Variants in PAM observed in about 807,000 individuals in gnomAD.
PAM encodes the protein peptidyl-glycine alpha-amidating monooxygenase.
A neutral mutation model predicts 122.1 loss-of-function variants in PAM; 72 were observed. The ratio of observed to expected loss-of-function variants is 0.59; its 90% CI spans 0.49 to 0.72. The LOEUF is 0.72. PAM is among the 30% of genes least tolerant of loss of function. The pLI, the probability that PAM is intolerant of heterozygous loss-of-function variation, is 0.00. For missense variants in PAM, 1,106 were observed against 1,183.7 expected, an observed-to-expected ratio of 0.93 and a Z score of 0.96; for synonymous variants, 389 against 404.4, an observed-to-expected ratio of 0.96 and a Z score of 0.46.
Position 103,028,241 on chromosome 5 carries a change from A to T in PAM, c.2743+3A>T, listed in dbSNP as rs368974389. 416 of 1,601,238 alleles carry T rather than the reference A, an allele frequency of 2.6e-4. No homozygotes were observed. The highest frequency in any genetic ancestry group is 3.4e-4 in the Non-Finnish European group (398 of 1,168,496). On this transcript the variant is annotated splice_donor_region_variant and intron_variant, in intron 25 of 25. Coordinates refer to ENST00000438793, the MANE Select transcript of PAM (RefSeq NM_001177306.2). ...AAGAGTACTGGGAAGATTTAGAGGT[A>T]TGCCTATGACCTTTTAGAACCCTTC...
chr5:102,966,525 T>C (rs1394390476), intron 14 of PAM, among the ~76,000 whole-genome samples: 1 of 152,170 alleles, frequency 6.6e-6, no homozygotes, highest in Non-Finnish European at 1.5e-5. Context: ...CTGGTCACCA[T>C]GGTCATGTGT....
At chr5:102,798,996 G>T (rs1295412061) in intron 1 of PAM, among the ~76,000 whole-genome samples, 3 of 152,130 alleles carry the variant, frequency 2.0e-5, no homozygotes, top group African/African-American at 7.2e-5. Flanking sequence ...GCTGTTGTGT[G>T]GATGAAGTAG....
rs57728525 is a variant in PAM, at chr5:102,859,335, A to AGTGTGT, written c.-373-6457_-373-6452dup. ...TGCTGATCTTGTATAGGCCCAGGCT[A>AGTGTGT]GTGTGTGTGTGTGTGTGTGTGTGTG... On this transcript the variant is annotated intron_variant, in intron 1 of 25. Transcript: ENST00000438793. 5.5e-3 allele frequency among the ~76,000 whole-genome samples: 789 copies of AGTGTGT among 142,402 alleles called. 11 individuals are homozygous for AGTGTGT. Among genetic ancestry groups the AGTGTGT allele is most frequent in the African/African-American group, 0.018 (692 of 39,154 alleles). 93.4% of individuals were successfully genotyped at this position (142,402 alleles called of 152,430 possible). A position where few individuals can be genotyped will look rare whatever the true frequency, so the allele number is the denominator to read the frequency against.
At chr5:102,762,640 G>C (rs796242966) in intron 1 of PAM, among the ~76,000 whole-genome samples, 1 of 151,994 alleles carries the variant, frequency 6.6e-6, no homozygotes, top group Non-Finnish European at 1.5e-5. Flanking sequence ...AATTATATTG[G>C]TTCTAGTGTT....
chr5:102,966,426 A>G (rs1212777738), intron 14 of PAM, among the ~76,000 whole-genome samples: 1 of 152,116 alleles, frequency 6.6e-6, no homozygotes, highest in Non-Finnish European at 1.5e-5. Flanking sequence ...CTTAAAAAGG[A>G]AGAAAAGTTG....
At chr5:102,876,626 C>T (rs10479245) in intron 3 of PAM, among the ~76,000 whole-genome samples, 11 of 152,226 alleles carry the variant, frequency 7.2e-5, no homozygotes, top group African/African-American at 2.4e-4. Flanking sequence ...ACAGAAGTAA[C>T]TGGGCATTTT....
intron 14 of PAM, among the ~76,000 whole-genome samples, chr5:102,965,234 A>G (rs1013061773): frequency 6.6e-6 from 1 of 151,382 alleles, no homozygotes. Flanking sequence ...TTAGAAAACT[A>G]ACACATTTTG....
At chr5:102,784,444 C>G (rs1440437464) in intron 1 of PAM, among the ~76,000 whole-genome samples, 1 of 152,140 alleles carries the variant, frequency 6.6e-6, no homozygotes, top group African/African-American at 2.4e-5. Flanking sequence ...CTGTTGTAAG[C>G]TCTCATATGA....
chr5:102,908,448 C>T (rs942888141), intron 4 of PAM, among the ~76,000 whole-genome samples: 3 of 151,530 alleles, frequency 2.0e-5, no homozygotes, highest in South Asian at 2.1e-4. Context: ...ATTGACTTGG[C>T]GATGCAGGCT....
chr5:102,976,060 A>C (rs986067082), intron 15 of PAM, among the ~76,000 whole-genome samples: 3 of 152,166 alleles, frequency 2.0e-5, no homozygotes, highest in Non-Finnish European at 4.4e-5. Context: ...TGCTCAAGAG[A>C]AAAATGCTTC....
At chr5:102,755,996 T>G (rs1200888026) in intron 1 of PAM, among the ~76,000 whole-genome samples, 1 of 152,134 alleles carries the variant, frequency 6.6e-6, no homozygotes, top group African/African-American at 2.4e-5. Context: ...ATCCACCACT[T>G]GGGATACTAG....
chr5:102,832,082 C>A (rs943659743), intron 1 of PAM, among the ~76,000 whole-genome samples: 7 of 152,142 alleles, frequency 4.6e-5, no homozygotes, highest in Admixed American at 4.6e-4. Context: ...TCTTCAGAAT[C>A]TGAAAATTCA....
intron 1 of PAM, among the ~76,000 whole-genome samples, chr5:102,841,937 G>A (rs1423136): frequency 0.15 from 22,613 of 151,976 alleles, 3,036 homozygotes; most frequent in African/African-American, 0.35. Flanking sequence ...TTATAGGTAA[G>A]TAGCATGTGG....
At chr5:102,950,258 A>G (rs1758350464) in intron 11 of PAM, among the ~76,000 whole-genome samples, 1 of 151,992 alleles carries the variant, frequency 6.6e-6, no homozygotes, top group Non-Finnish European at 1.5e-5. Flanking sequence ...ATTTATTCTG[A>G]TTTTTATGGG....
Position 102,865,934 on chromosome 5 carries a change from G to C in PAM, c.-262G>C, listed in dbSNP as rs909466396. 1.2e-5 allele frequency: 5 copies of C among 408,968 alleles called. No individual in the cohort carries two copies. Among genetic ancestry groups the C allele is most frequent in the African/African-American group, 1.1e-4 (5 of 47,124 alleles). 25.3% of individuals were successfully genotyped at this position (408,968 alleles called of 1,614,324 possible). A position where few individuals can be genotyped will look rare whatever the true frequency, so the allele number is the denominator to read the frequency against. ...CCCAGCGCCAGGGCACGCGAGCGGCGCTGGAGGGAGGAAAGCTTCCGCCTG... is the reference window on the plus strand; with the variant it reads ...CCCAGCGCCAGGGCACGCGAGCGGCCCTGGAGGGAGGAAAGCTTCCGCCTG... On this transcript the variant is annotated 5_prime_UTR_variant, in exon 2 of 26. Transcript: ENST00000438793.
chr5:102,999,776 G>GCCAAGTCCTAGGACACAAGGCA (rs1776823397), intron 16 of PAM, among the ~76,000 whole-genome samples: 1 of 152,126 alleles, frequency 6.6e-6, no homozygotes, highest in East Asian at 1.9e-4. Context: ...GCCTCTTTTA[G>GCCAAGTCCTAGGACACAAGGCA]CCAAGTCCTA....
chr5:103,027,527 C>G (rs559953273), intron 24 of PAM, among the ~76,000 whole-genome samples: 1 of 152,266 alleles, frequency 6.6e-6, no homozygotes, highest in Non-Finnish European at 1.5e-5. Flanking sequence ...TTCTGTCTCC[C>G]CATAAGGAAA....
intron 3 of PAM, among the ~76,000 whole-genome samples, chr5:102,900,116 C>G (rs1468067232): frequency 6.6e-6 from 1 of 151,256 alleles, no homozygotes; most frequent in Admixed American, 6.6e-5. Context: ...ATGCTTGTTA[C>G]CAGGTTTTGG....
At chr5:102,826,357 TGAGTAGAAATG>T (rs1312609264) in intron 1 of PAM, among the ~76,000 whole-genome samples, 1 of 152,218 alleles carries the variant, frequency 6.6e-6, no homozygotes, top group Non-Finnish European at 1.5e-5. Context: ...TCAAGGGACT[TGAGTAGAAATG>T]GATATCCAGG....
Sources: allele counts gnomAD v4.1 joint callset (sites outside exome capture counted in the v4.1 genomes callset), GRCh38; gene constraint gnomAD v4.1.1; transcripts MANE v1.5; gene names NCBI Gene and HGNC (gene_info 2026-07-23, HGNC 2026-07-21).